Variants in DAB1 observed in about 807,000 individuals in gnomAD.
DAB1 encodes disabled homolog 1.
In DAB1, 15 loss-of-function variants were observed where a neutral mutation model predicts 64.6. The observed-to-expected ratio is 0.23, with a 90% CI of 0.16 to 0.36. The LOEUF is 0.36. Ranked by LOEUF, DAB1 falls within the 10% of genes least tolerant of loss-of-function variation. The probability of loss-of-function intolerance (pLI) is 1.00; values close to 1 mark genes in which losing one functional copy is unlikely to be tolerated. For synonymous variants in DAB1, 235 were observed against 251.9 expected (o/e 0.93, Z 0.64); for missense variants, 596 against 706.7 (o/e 0.84, Z 1.78).
intron 6 of DAB1, among the ~76,000 whole-genome samples, chr1:57,674,282 A>G (rs1558598479): frequency 6.6e-6 from 1 of 152,306 alleles, no homozygotes; most frequent in East Asian, 1.9e-4. Flanking sequence ...AAAAGACCCA[A>G]GAAGAGATAT....
At chr1:57,112,084 A>G (rs1557741415) in intron 4 of DAB1, among the ~76,000 whole-genome samples, 1 of 152,232 alleles carries the variant, frequency 6.6e-6, no homozygotes. Flanking sequence ...TCCTTATGAC[A>G]TTCTTGCTGT....
At position 57,175,288 on chromosome 1, in the gene DAB1, G is replaced by GT. The variant is rs199729308; in HGVS notation, c.68-29860dup. 5.3e-3 allele frequency among the ~76,000 whole-genome samples: 796 copies of GT among 149,274 alleles called. 6 individuals are homozygous for GT. The highest frequency in any genetic ancestry group is 9.4e-3 in the Non-Finnish European group (631 of 67,414). ...GAAATAAAATTTAAAGAAAGGCAGGGTTTTTTTTTATTATTTCAGACTTTA... is the reference window on the plus strand; with the variant it reads ...GAAATAAAATTTAAAGAAAGGCAGGGTTTTTTTTTTATTATTTCAGACTTTA... On this transcript the variant is annotated intron_variant, in intron 2 of 14. Coordinates refer to ENST00000371236, the MANE Select transcript of DAB1 (RefSeq NM_001365792.1).
Position 58,192,079 on chromosome 1 carries a change from A to C in DAB1, n.310-41491T>G, listed in dbSNP as rs560704498. Among the ~76,000 whole-genome samples the C allele has an allele frequency of 2.6e-5, 4 of 152,356 alleles. 1 individual carries two copies. The highest frequency in any genetic ancestry group is 9.6e-5 in the African/African-American group (4 of 41,590). Reference sequence around the variant, plus strand: ...CTTTCTCAAAGGAACACAGCTAGGAAGCCAAGGAGCTAAGACTGCACTTAG... The same window carrying C: ...CTTTCTCAAAGGAACACAGCTAGGACGCCAAGGAGCTAAGACTGCACTTAG... On this transcript the variant is annotated intron_variant and non_coding_transcript_variant, in intron 4 of 20. Coordinates refer to the DAB1 transcript ENST00000485760.
At chr1:58,205,971 T>C (rs1425108595) in intron 4 of DAB1, among the ~76,000 whole-genome samples, 1 of 151,404 alleles carries the variant, frequency 6.6e-6, no homozygotes, top group African/African-American at 2.4e-5. Flanking sequence ...CAGCTGAGTA[T>C]TTTTTTTTAA....
intron 5 of DAB1, among the ~76,000 whole-genome samples, chr1:58,031,238 G>C (rs1174494576): frequency 6.6e-6 from 1 of 152,066 alleles, no homozygotes; most frequent in Non-Finnish European, 1.5e-5. Flanking sequence ...AGGGAAGCAG[G>C]GAGGCTGAAT....
intron 6 of DAB1, among the ~76,000 whole-genome samples, chr1:57,763,792 G>A (rs990017884): frequency 3.3e-5 from 5 of 152,146 alleles, no homozygotes; most frequent in South Asian, 2.1e-4. Context: ...TACAGTAAGC[G>A]GAATTAAAGA....
chr1:58,302,862 T>C (rs957703019), intron 4 of DAB1, among the ~76,000 whole-genome samples: 2 of 152,174 alleles, frequency 1.3e-5, no homozygotes, highest in African/African-American at 4.8e-5. Flanking sequence ...CCTGTAGAGC[T>C]TTGGCATCAC....
intron 7 of DAB1, among the ~76,000 whole-genome samples, chr1:57,500,742 G>GA (rs201893790): frequency 5.5e-4 from 83 of 151,118 alleles, no homozygotes; most frequent in Admixed American, 3.1e-3. Context: ...TATTCCTTTA[G>GA]AAAAAAAAAT....
chr1:58,013,212 T>C (rs1362675980), intron 5 of DAB1, among the ~76,000 whole-genome samples: 2 of 152,184 alleles, frequency 1.3e-5, no homozygotes, highest in East Asian at 1.9e-4. Flanking sequence ...ACCTGACTAA[T>C]AGAGATTCAA....
chr1:57,443,766 C>T (rs1043647783), intron 7 of DAB1, among the ~76,000 whole-genome samples: 6 of 152,192 alleles, frequency 3.9e-5, no homozygotes, highest in Admixed American at 3.3e-4. Context: ...TAACTCAAAG[C>T]AGTTCACCTC....
intron 2 of DAB1, among the ~76,000 whole-genome samples, chr1:57,167,682 T>C (rs1391621324): frequency 2.0e-5 from 3 of 152,164 alleles, no homozygotes; most frequent in South Asian, 2.1e-4. Context: ...CAATTTCTCC[T>C]TTACCCAAAC....
chr1:57,243,472 T>C (rs1570027189), intron 2 of DAB1, among the ~76,000 whole-genome samples: 1 of 151,520 alleles, frequency 6.6e-6, no homozygotes, highest in Middle Eastern at 3.4e-3. Context: ...TCCAATGAGA[T>C]GCATGTGTGT....
intron 7 of DAB1, among the ~76,000 whole-genome samples, chr1:57,445,671 C>G (rs1211683741): frequency 6.6e-6 from 1 of 152,176 alleles, no homozygotes; most frequent in Admixed American, 6.5e-5. Flanking sequence ...ATTTACTATA[C>G]TACATTTTAC....
chr1:58,426,292 G>A (rs1644821319), intron 3 of DAB1, among the ~76,000 whole-genome samples: 1 of 152,194 alleles, frequency 6.6e-6, no homozygotes. Flanking sequence ...TCAGGGTAGT[G>A]TTGGCCTCCA....
chr1:57,225,495 C>T (rs1055410949), intron 2 of DAB1, among the ~76,000 whole-genome samples: 1 of 152,176 alleles, frequency 6.6e-6, no homozygotes, highest in Non-Finnish European at 1.5e-5. Context: ...ACCAAAGACA[C>T]AGCATACATC....
intron 4 of DAB1, among the ~76,000 whole-genome samples, chr1:58,223,386 C>A (rs572394311): frequency 2.6e-5 from 4 of 152,172 alleles, no homozygotes; most frequent in Non-Finnish European, 5.9e-5. Context: ...AGAACGCCAG[C>A]CTTGTCCCCA....
intron 3 of DAB1, among the ~76,000 whole-genome samples, chr1:58,383,574 G>C (rs879788910): frequency 6.6e-6 from 1 of 151,752 alleles, no homozygotes; most frequent in Admixed American, 6.6e-5. Context: ...AGCATTATCT[G>C]GTTTCATACA....
At chr1:58,331,356 A>G (rs1662963746) in intron 4 of DAB1, among the ~76,000 whole-genome samples, 1 of 152,218 alleles carries the variant, frequency 6.6e-6, no homozygotes, top group South Asian at 2.1e-4. Flanking sequence ...CCTGGTGAAC[A>G]TGCTATGAAC....
chr1:57,365,172 ATCT>A (rs1311485268), intron 1 of DAB1, among the ~76,000 whole-genome samples: 1 of 143,720 alleles, frequency 7.0e-6, no homozygotes, highest in Admixed American at 7.2e-5. Flanking sequence ...GAAAATATAT[ATCT>A]TCTTTATATA....
Sources: gnomAD v4.1 joint callset for allele counts (sites outside exome capture counted in the v4.1 genomes callset) on GRCh38, gnomAD v4.1.1 for gene constraint, MANE v1.5 for transcripts, NCBI Gene and HGNC (gene_info 2026-07-23, HGNC 2026-07-21) for gene names.